SP3: variants seen among roughly 807,000 people sequenced by gnomAD.
SP3 encodes transcription factor Sp3.
A neutral mutation model predicts 70.3 loss-of-function variants in SP3; 10 were observed. The ratio of observed to expected loss-of-function variants is 0.14; its 90% CI spans 0.09 to 0.24. The LOEUF (loss-of-function observed/expected upper bound fraction) is 0.24, where lower values mean the gene tolerates loss of function less well. SP3 is among the 10% of genes least tolerant of loss of function. SP3 has a pLI of 1.00. For missense variants in SP3, 825 were observed against 914.6 expected (o/e 0.90, Z 1.26); for synonymous variants, 402 against 333.5 (o/e 1.21, Z -2.24).
rs1244543065 is a variant in SP3, at chr2:173,902,669, C to A, written c.*7272G>T. Among the ~76,000 whole-genome samples, 1 of 152,174 alleles carries A rather than the reference C, an allele frequency of 6.6e-6. No individual in the cohort carries two copies. The highest frequency in any genetic ancestry group is 1.5e-5 in the Non-Finnish European group (1 of 68,018). On this transcript the variant is annotated 3_prime_UTR_variant, in exon 7 of 7. Transcript: ENST00000310015. Reference sequence around the variant, plus strand: ...TTAGAGAAAGATGGTAGTGTGGATACATCTCAAAAACATGAGTGGTAAAAC... The same window carrying A: ...TTAGAGAAAGATGGTAGTGTGGATAAATCTCAAAAACATGAGTGGTAAAAC...
Position 173,906,574 on chromosome 2 carries a change from T to A in SP3, c.*3367A>T, listed in dbSNP as rs1306656797. The A allele has an allele frequency of 6.6e-6, 1 of 152,222 alleles. No individual in the cohort carries two copies. Among genetic ancestry groups the A allele is most frequent in the African/African-American group, 2.4e-5 (1 of 41,454 alleles). 9.4% of individuals were successfully genotyped at this position (152,222 alleles called of 1,614,324 possible). A position where few individuals can be genotyped will look rare whatever the true frequency, so the allele number is the denominator to read the frequency against. On this transcript the variant is annotated 3_prime_UTR_variant, in exon 7 of 7. Transcript: ENST00000310015. Reference sequence around the variant, plus strand: ...ATTGTGTAACAGGTAGCATAACATGTCAGTTTATATTATTTTAAAACCAAA... The same window carrying A: ...ATTGTGTAACAGGTAGCATAACATGACAGTTTATATTATTTTAAAACCAAA...
At position 173,904,994 on chromosome 2, in the gene SP3, G is replaced by A. The variant is rs1337458841; in HGVS notation, c.*4947C>T. Among the ~76,000 whole-genome samples, 1 of 152,112 alleles carries A rather than the reference G, an allele frequency of 6.6e-6. No homozygotes were observed. Among genetic ancestry groups the A allele is most frequent in the Non-Finnish European group, 1.5e-5 (1 of 68,024 alleles). Reference sequence around the variant, plus strand: ...CTGGTTTTTAGAAATGTTCAAATAGGATAGACTCTTACACAGGGGTGTAAT... The same window carrying A: ...CTGGTTTTTAGAAATGTTCAAATAGAATAGACTCTTACACAGGGGTGTAAT... On this transcript the variant is annotated 3_prime_UTR_variant, in exon 7 of 7. Transcript: ENST00000310015.
intron 4 of SP3, among the ~76,000 whole-genome samples, chr2:173,948,535 A>G (rs576183263): frequency 5.4e-4 from 82 of 152,274 alleles, no homozygotes; most frequent in Non-Finnish European, 9.3e-4. Context: ...AAGGGGGGCG[A>G]CTATTCTATT....
upstream of SP3, chr2:173,965,491 T>C (rs1691266294): frequency 3.1e-6 from 1 of 326,748 alleles, no homozygotes; most frequent in Non-Finnish European, 5.7e-6. Flanking sequence ...GCGCTTCCTG[T>C]TTGCCCCCGG....
chr2:173,937,960 T>G (rs1457334949), intron 4 of SP3, among the ~76,000 whole-genome samples: 1 of 152,208 alleles, frequency 6.6e-6, no homozygotes, highest in African/African-American at 2.4e-5. Flanking sequence ...AAATCTACAG[T>G]GTTAAAAAAT....
intron 6 of SP3, among the ~76,000 whole-genome samples, chr2:173,910,987 G>C (rs531512313): frequency 1.6e-4 from 24 of 152,240 alleles, no homozygotes; most frequent in African/African-American, 5.3e-4. Flanking sequence ...CAACCTAAAA[G>C]GAATTCAGAG....
intron 4 of SP3, among the ~76,000 whole-genome samples, chr2:173,933,171 G>C (rs1213597007): frequency 2.6e-5 from 4 of 151,838 alleles, no homozygotes; most frequent in Non-Finnish European, 4.4e-5. Flanking sequence ...AGCACAATAA[G>C]ATAAAGCATG....
intron 5 of SP3, chr2:173,913,484 T>C (rs1689544847): frequency 6.0e-6 from 2 of 336,014 alleles, no homozygotes; most frequent in Non-Finnish European, 1.1e-5. Context: ...ATTAATGTGA[T>C]TGTTGTCCAA....
intron 4 of SP3, among the ~76,000 whole-genome samples, chr2:173,930,273 T>G (rs965421132): frequency 6.6e-6 from 1 of 152,174 alleles, no homozygotes; most frequent in African/African-American, 2.4e-5. Context: ...TCCTACTGAT[T>G]GGAGGTAAGA....
chr2:173,910,188 A>G lies in SP3; in HGVS notation c.2099T>C (p.Ile700Thr). 6.8e-6 allele frequency: 11 copies of G among 1,614,034 alleles called. No homozygotes were observed. Among genetic ancestry groups the G allele is most frequent in the African/African-American group, 1.3e-5 (1 of 75,050 alleles). Residue 700 changes from isoleucine to threonine, a missense_variant, in exon 7 of 7, where the codon ATT (isoleucine) becomes ACT (threonine). Around this residue, in one of 4 missense-constraint regions of SP3, gnomAD observed 91 missense variants for 97.4 expected, o/e 0.93. Coordinates refer to ENST00000310015, the MANE Select transcript of SP3 (RefSeq NM_003111.5). ...ACCTTTTTTATTCTGGTGTGTTTTA[A>G]TATGTTTGGCAAGGTGGTCACTTCT... ...FMRSDHLAKH[I>T]KTHQNKKGIH...
chr2:173,944,026 T>C (rs1054354496), intron 4 of SP3, among the ~76,000 whole-genome samples: 3 of 152,326 alleles, frequency 2.0e-5, no homozygotes, highest in Admixed American at 6.5e-5. Flanking sequence ...AGAAAAGGAA[T>C]CGTAAAAGTC....
chr2:173,928,107 T>G (rs1258891265), intron 4 of SP3, among the ~76,000 whole-genome samples: 1 of 152,216 alleles, frequency 6.6e-6, no homozygotes, highest in Non-Finnish European at 1.5e-5. Context: ...GTACATTTTC[T>G]AAGCCAGTTT....
At chr2:173,942,903 G>A (rs1235388016) in intron 4 of SP3, among the ~76,000 whole-genome samples, 1 of 151,878 alleles carries the variant, frequency 6.6e-6, no homozygotes, top group African/African-American at 2.4e-5. Context: ...TTAAAATACA[G>A]TACAACTATA....
intron 5 of SP3, chr2:173,916,313 A>G (rs1283819623): frequency 6.6e-6 from 1 of 152,058 alleles, no homozygotes; most frequent in African/African-American, 2.4e-5. Flanking sequence ...GCATGGTAAC[A>G]AGGCATCTAA....
At chr2:173,964,193 G>A in intron 2 of SP3, 2 of 458,728 alleles carry the variant, frequency 4.4e-6, no homozygotes, top group Non-Finnish European at 3.8e-6. Context: ...ACTCACACGC[G>A]CACAAAAAGG....
chr2:173,927,276 C>CTTT (rs34409340), intron 4 of SP3, among the ~76,000 whole-genome samples: 1 of 142,178 alleles, frequency 7.0e-6, no homozygotes, highest in Non-Finnish European at 1.6e-5. Context: ...AACTATATAT[C>CTTT]TTTTTTTTTT....
rs555091832 is a variant in SP3, at chr2:173,954,987, T to C, written c.1525A>G (p.Thr509Ala). Reference sequence around the variant, plus strand: ...TGACCAGTGCTTAGACTAACTGGAGTTGAAGTGAAGGCTCCACCTGCCGCA... The same window carrying C: ...TGACCAGTGCTTAGACTAACTGGAGCTGAAGTGAAGGCTCCACCTGCCGCA... ...QVAAGGAFTS[T>A]PVSLSTGQLP... Residue 509 changes from threonine to alanine, a missense_variant, in exon 4 of 7, where the codon ACT becomes GCT. Transcript: ENST00000310015. The C allele has an allele frequency of 8.1e-6, 13 of 1,613,986 alleles. No homozygotes were observed. The highest frequency in any genetic ancestry group is 5.3e-5 in the African/African-American group (4 of 74,904).
Position 173,942,690 on chromosome 2 carries a change from T to C in SP3, c.1639+12183A>G, listed in dbSNP as rs77452613. On this transcript the variant is annotated intron_variant, in intron 4 of 6. Coordinates refer to ENST00000310015, the MANE Select transcript of SP3 (RefSeq NM_003111.5). ...TGGAACCATCCACTTGTAGATCTAA[T>C]AGTCATTTCAGATTTAACAAAGCCA... Among the ~76,000 whole-genome samples the C allele has an allele frequency of 5.3e-3, 801 of 152,260 alleles. 3 individuals are homozygous for C. The highest frequency in any genetic ancestry group is 0.018 in the African/African-American group (762 of 41,538).
Position 173,903,649 on chromosome 2 carries a change from C to T in SP3, c.*6292G>A, listed in dbSNP as rs1461309531. On this transcript the variant is annotated 3_prime_UTR_variant, in exon 7 of 7. Coordinates refer to ENST00000310015, the MANE Select transcript of SP3 (RefSeq NM_003111.5). Reference sequence around the variant, plus strand: ...AGTCCTAACACACAATGAAAATATACGTGACTTGGTGTGACATAGAAACAC... The same window carrying T: ...AGTCCTAACACACAATGAAAATATATGTGACTTGGTGTGACATAGAAACAC... 2.6e-5 allele frequency among the ~76,000 whole-genome samples: 4 copies of T among 152,254 alleles called. No individual in the cohort carries two copies. The highest frequency in any genetic ancestry group is 1.9e-4 in the East Asian group (1 of 5,184).
Sources: gnomAD v4.1 joint callset for allele counts (sites outside exome capture counted in the v4.1 genomes callset) on GRCh38, gnomAD v4.1.1 for gene constraint, gnomAD v4.1.1 regional missense constraint, MANE v1.5 for transcripts, NCBI Gene and HGNC (gene_info 2026-07-23, HGNC 2026-07-21) for gene names.